The following STX17 variants were observed in gnomAD, a reference collection of about 807,000 sequenced individuals.
STX17 encodes syntaxin 17.
A neutral mutation model predicts 35.9 loss-of-function variants in STX17; 29 were observed. The observed-to-expected ratio is 0.81, with a 90% CI of 0.60 to 1.10. STX17 has a LOEUF of 1.10. Among genes scored for constraint, STX17 ranks in the 50% least tolerant of loss-of-function variants. The probability of loss-of-function intolerance (pLI) is 0.00; values close to 1 mark genes in which losing one functional copy is unlikely to be tolerated. For missense variants in STX17, 312 were observed against 352.3 expected (o/e 0.89, Z 0.92); for synonymous variants, 92 against 118.3 (o/e 0.78, Z 1.44).
chr9:99,940,774 C>T (rs1001384741), intron 3 of STX17, among the ~76,000 whole-genome samples: 16 of 152,316 alleles, frequency 1.1e-4, no homozygotes, highest in African/African-American at 3.4e-4. Context: ...AGCCACCGCA[C>T]CCGGCCTAGA....
intron 3 of STX17, among the ~76,000 whole-genome samples, chr9:99,946,081 T>TCAAAAA (rs748830143): frequency 7.2e-5 from 11 of 152,128 alleles, no homozygotes; most frequent in East Asian, 1.9e-4. Context: ...AGACTCCATC[T>TCAAAAA]CAAAAACAAA....
intron 1 of STX17, among the ~76,000 whole-genome samples, chr9:99,907,825 T>TG (rs978077391): frequency 7.2e-5 from 11 of 152,192 alleles, no homozygotes; most frequent in African/African-American, 2.7e-4. Flanking sequence ...CTTGTGATTT[T>TG]TTTTCCTGTA....
intron 3 of STX17, among the ~76,000 whole-genome samples, chr9:99,942,058 A>G (rs1342154645): frequency 6.6e-6 from 1 of 152,212 alleles, no homozygotes; most frequent in Non-Finnish European, 1.5e-5. Flanking sequence ...TATTTTCCAA[A>G]ACAGTAATGT....
intron 4 of STX17, among the ~76,000 whole-genome samples, chr9:99,959,580 C>T (rs1829786845): frequency 6.6e-6 from 1 of 151,564 alleles, no homozygotes; most frequent in Non-Finnish European, 1.5e-5. Context: ...CCACCTCAGC[C>T]TCCCAAGTAG....
intron 6 of STX17, among the ~76,000 whole-genome samples, chr9:99,966,565 T>G (rs1829915806): frequency 6.6e-6 from 1 of 152,190 alleles, no homozygotes; most frequent in Admixed American, 6.5e-5. Context: ...TCATTGCAGG[T>G]GGCATCTATC....
At chr9:99,944,524 T>C (rs1229778226) in intron 3 of STX17, among the ~76,000 whole-genome samples, 1 of 151,962 alleles carries the variant, frequency 6.6e-6, no homozygotes. Flanking sequence ...GCATTTTTTT[T>C]TTTTTTTAAG....
intron 1 of STX17, among the ~76,000 whole-genome samples, chr9:99,914,837 A>T (rs949853007): frequency 6.6e-6 from 1 of 152,198 alleles, no homozygotes; most frequent in Non-Finnish European, 1.5e-5. Flanking sequence ...AAAAGTATTT[A>T]TATACATACA....
intron 3 of STX17, among the ~76,000 whole-genome samples, chr9:99,938,640 A>G (rs1468860107): frequency 2.6e-5 from 4 of 152,078 alleles, no homozygotes; most frequent in Non-Finnish European, 5.9e-5. Context: ...CCAAAAAATT[A>G]GCCAGGCATG....
intron 1 of STX17, among the ~76,000 whole-genome samples, chr9:99,910,694 ATCT>A (rs942189902): frequency 2.0e-5 from 3 of 152,186 alleles, no homozygotes; most frequent in African/African-American, 4.8e-5. Flanking sequence ...AGCACTTCAG[ATCT>A]TCTAGCTATT....
At chr9:99,939,840 A>G (rs563722000) in intron 3 of STX17, among the ~76,000 whole-genome samples, 15 of 152,360 alleles carry the variant, frequency 9.8e-5, no homozygotes, top group Middle Eastern at 3.4e-3. Context: ...TAGGAGTTAC[A>G]TAGTTCTGCT....
chr9:99,921,244 T>G (rs1828879293), intron 2 of STX17, among the ~76,000 whole-genome samples: 1 of 152,186 alleles, frequency 6.6e-6, no homozygotes, highest in Non-Finnish European at 1.5e-5. Context: ...GAGCCTAAGA[T>G]TACATCATTT....
At chr9:99,914,010 G>GC (rs1468633597) in intron 1 of STX17, 2 of 114,360 alleles carry the variant, frequency 1.7e-5, no homozygotes, top group Admixed American at 9.9e-5. Flanking sequence ...TTGGCATGTT[G>GC]CCCAGGCTGG....
intron 2 of STX17, among the ~76,000 whole-genome samples, chr9:99,928,150 T>A (rs1829028170): frequency 6.6e-6 from 1 of 152,150 alleles, no homozygotes; most frequent in African/African-American, 2.4e-5. Context: ...TTATATTCTA[T>A]ATAAATATTC....
chr9:99,950,959 T>C (rs185476362), intron 3 of STX17, 101 bp from the exon 4 acceptor site: 12 of 1,055,910 alleles, frequency 1.1e-5, no homozygotes, highest in East Asian at 2.6e-5. Context: ...TGTGGAGATA[T>C]TTGTTATAAT....
intron 3 of STX17, among the ~76,000 whole-genome samples, chr9:99,930,154 G>A (rs570493229): frequency 2.0e-5 from 3 of 151,946 alleles, no homozygotes; most frequent in South Asian, 4.1e-4. Flanking sequence ...CTTGTGATCC[G>A]CCTGCCTTGG....
intron 3 of STX17, among the ~76,000 whole-genome samples, chr9:99,931,524 C>T (rs1829124031): frequency 6.6e-6 from 1 of 151,040 alleles, no homozygotes; most frequent in African/African-American, 2.4e-5. Context: ...TCTAAAGGTC[C>T]GCAAACTGAT....
At position 99,940,470 on chromosome 9, in the gene STX17, C is replaced by CTTT. The variant is rs71498721; in HGVS notation, c.190-10573_190-10571dup. On this transcript the variant is annotated intron_variant, in intron 3 of 7. Coordinates refer to ENST00000259400, the MANE Select transcript of STX17 (RefSeq NM_017919.3). ...CTTGTTTGTATAGTGTAGAATTTTA[C>CTTT]TTTTTTTTTTTTTTTTTTTGAGATG... Among the ~76,000 whole-genome samples, 14 of 107,736 alleles carry CTTT rather than the reference C, an allele frequency of 1.3e-4. 1 individual carries two copies. Among genetic ancestry groups the CTTT allele is most frequent in the Non-Finnish European group, 1.9e-4 (10 of 52,558 alleles). The allele number at this position is 107,736 out of a possible 152,430, so 70.7% of individuals were successfully genotyped here.
intron 3 of STX17, among the ~76,000 whole-genome samples, chr9:99,949,298 T>G (rs924332710): frequency 6.6e-6 from 1 of 152,102 alleles, no homozygotes; most frequent in African/African-American, 2.4e-5. Context: ...AGAGTCATGG[T>G]AAGATAGAGG....
At chr9:99,952,357 G>A (rs368984513) in intron 4 of STX17, among the ~76,000 whole-genome samples, 23 of 152,164 alleles carry the variant, frequency 1.5e-4, no homozygotes, top group Non-Finnish European at 2.8e-4. Context: ...TTAGAATGGC[G>A]ATCATTAAAA....
Sources: allele counts gnomAD v4.1 joint callset (sites outside exome capture counted in the v4.1 genomes callset), GRCh38; gene constraint gnomAD v4.1.1; transcripts MANE v1.5; gene names NCBI Gene and HGNC (gene_info 2026-07-23, HGNC 2026-07-21).